The following VSNL1 variants were observed in gnomAD, a reference collection of about 807,000 sequenced individuals.
VSNL1 encodes visinin-like protein 1.
VSNL1 carries 6 observed loss-of-function variants against 20.4 expected under a neutral mutation model. That is an observed-to-expected ratio of 0.29 (90% confidence interval 0.16 to 0.58). The LOEUF (loss-of-function observed/expected upper bound fraction) is 0.58, where lower values mean the gene tolerates loss of function less well. Ranked by LOEUF, VSNL1 falls within the 20% of genes least tolerant of loss-of-function variation. The probability of loss-of-function intolerance (pLI) is 0.90; values close to 1 mark genes in which losing one functional copy is unlikely to be tolerated. For synonymous variants in VSNL1, 93 were observed against 86.4 expected, an observed-to-expected ratio of 1.08 and a Z score of -0.42; for missense variants, 100 against 234.5, an observed-to-expected ratio of 0.43 and a Z score of 3.75.
At chr2:17,581,645 CAAAG>C (rs1664351691) in intron 1 of VSNL1, among the ~76,000 whole-genome samples, 1 of 152,202 alleles carries the variant, frequency 6.6e-6, no homozygotes, top group Admixed American at 6.5e-5. Context: ...CCCAATCTCT[CAAAG>C]AAGCTTTGTT....
At chr2:17,555,115 A>C (rs1176973762) in intron 1 of VSNL1, among the ~76,000 whole-genome samples, 1 of 152,190 alleles carries the variant, frequency 6.6e-6, no homozygotes, top group Non-Finnish European at 1.5e-5. Flanking sequence ...TCTCTGGCAG[A>C]GTGTGAAATT....
At chr2:17,605,251 T>A (rs1428110729) in intron 2 of VSNL1, among the ~76,000 whole-genome samples, 1 of 152,250 alleles carries the variant, frequency 6.6e-6, no homozygotes, top group East Asian at 1.9e-4. Flanking sequence ...AAGATCCTTC[T>A]CTGCACAGCA....
At chr2:17,604,218 G>A (rs1229385830) in intron 2 of VSNL1, among the ~76,000 whole-genome samples, 1 of 152,256 alleles carries the variant, frequency 6.6e-6, no homozygotes, top group African/African-American at 2.4e-5. Flanking sequence ...GACAAACAGG[G>A]AGGGTAAAAA....
intron 2 of VSNL1, among the ~76,000 whole-genome samples, chr2:17,636,097 T>C (rs966669478): frequency 1.3e-5 from 2 of 152,060 alleles, no homozygotes; most frequent in Admixed American, 1.3e-4. Context: ...AATTATGATA[T>C]GAAGCCAGTA....
At chr2:17,592,947 G>C (rs1421750880) in intron 2 of VSNL1, among the ~76,000 whole-genome samples, 2 of 152,004 alleles carry the variant, frequency 1.3e-5, no homozygotes, top group Admixed American at 1.3e-4. Context: ...GCTGATCTAA[G>C]ACATTCCACT....
chr2:17,552,187 G>A (rs1246920503), intron 1 of VSNL1, among the ~76,000 whole-genome samples: 1 of 129,718 alleles, frequency 7.7e-6, no homozygotes, highest in African/African-American at 2.7e-5. Flanking sequence ...GCGACAGAGC[G>A]AGATTCCATC....
In VSNL1 at chr2:17,643,364, T is replaced by C. The variant is rs556229441; in HGVS notation, c.163-6046T>C. Among the ~76,000 whole-genome samples the C allele has an allele frequency of 9.8e-5, 15 of 152,344 alleles. No individual in the cohort carries two copies. The East Asian group carries it at 2.7e-3, about 27-fold the overall frequency. On this transcript the variant is annotated intron_variant, in intron 2 of 3. Coordinates refer to ENST00000295156, the MANE Select transcript of VSNL1 (RefSeq NM_003385.5). ...CTGATTCATCTCCTCATGAGTCATC[T>C]GCTTAAGTAGTAATGCGAATGGGCT...
chr2:17,592,519 G>A (rs1364615919), intron 2 of VSNL1, among the ~76,000 whole-genome samples: 1 of 151,928 alleles, frequency 6.6e-6, no homozygotes, highest in Non-Finnish European at 1.5e-5. Flanking sequence ...GCTCAGAGAA[G>A]AGTGTTTGCT....
intron 2 of VSNL1, among the ~76,000 whole-genome samples, chr2:17,637,061 C>T (rs1665766922): frequency 6.6e-6 from 1 of 152,218 alleles, no homozygotes; most frequent in Non-Finnish European, 1.5e-5. Flanking sequence ...TCCTTGCTGC[C>T]TCCACCCTCT....
chr2:17,549,943 G>A (rs748838629), intron 1 of VSNL1, among the ~76,000 whole-genome samples: 6 of 152,210 alleles, frequency 3.9e-5, no homozygotes, highest in Non-Finnish European at 7.3e-5. Context: ...GTCATTAAAT[G>A]TGTGTTTTAG....
intron 2 of VSNL1, among the ~76,000 whole-genome samples, chr2:17,603,320 A>G (rs1352251391): frequency 6.6e-6 from 1 of 152,164 alleles, no homozygotes; most frequent in Non-Finnish European, 1.5e-5. Context: ...TGGTTCATAA[A>G]TGACTCTTTC....
chr2:17,575,872 A>G (rs1053419739), intron 1 of VSNL1, among the ~76,000 whole-genome samples: 1 of 152,228 alleles, frequency 6.6e-6, no homozygotes, highest in Non-Finnish European at 1.5e-5. Flanking sequence ...TCATATGTTA[A>G]TATATAAGTT....
intron 2 of VSNL1, among the ~76,000 whole-genome samples, chr2:17,608,964 G>A (rs763302438): frequency 8.5e-5 from 13 of 152,110 alleles, no homozygotes; most frequent in African/African-American, 2.4e-4. Flanking sequence ...GTGTGTGTGC[G>A]TGTGTGTCTG....
At chr2:17,599,582 C>T (rs1664782680) in intron 2 of VSNL1, among the ~76,000 whole-genome samples, 1 of 152,172 alleles carries the variant, frequency 6.6e-6, no homozygotes, top group Admixed American at 6.5e-5. Flanking sequence ...TAGGTCTCTC[C>T]CTTGTTTCTC....
At chr2:17,596,882 C>T (rs190330990) in intron 2 of VSNL1, among the ~76,000 whole-genome samples, 5 of 152,274 alleles carry the variant, frequency 3.3e-5, no homozygotes, top group Admixed American at 2.6e-4. Context: ...CCTCACATAG[C>T]GGAGTCTTAA....
chr2:17,655,544 T>A lies in VSNL1; in HGVS notation c.*150T>A. On this transcript the variant is annotated 3_prime_UTR_variant, in exon 4 of 4. Transcript: ENST00000295156. This position sits in a 1 kb window ranked among gnomAD's most constrained non-coding sequence, Gnocchi z 5.2. ...CTATAAATGGACTTGCTTCTTGTGT[T>A]TGAAACACTCGTGTGCATGAGAATG... The A allele has an allele frequency of 2.8e-6, 2 of 720,468 alleles. No individual in the cohort carries two copies. The highest frequency in any genetic ancestry group is 4.4e-6 in the Non-Finnish European group (2 of 449,716). The allele number at this position is 720,468 out of a possible 1,614,324, so 44.6% of individuals were successfully genotyped here. A position where few individuals can be genotyped will look rare whatever the true frequency, so the allele number is the denominator to read the frequency against.
chr2:17,646,505 T>A (rs1029762038), intron 2 of VSNL1, among the ~76,000 whole-genome samples: 10 of 152,210 alleles, frequency 6.6e-5, no homozygotes, highest in Admixed American at 3.9e-4. Context: ...AGGCTTCCAC[T>A]TCCTCATCCA....
At chr2:17,545,735 A>G (rs1286209493) in intron 1 of VSNL1, among the ~76,000 whole-genome samples, 1 of 152,170 alleles carries the variant, frequency 6.6e-6, no homozygotes, top group Admixed American at 6.5e-5. Context: ...CTATTTAATG[A>G]ATGAAACAGA....
intron 2 of VSNL1, among the ~76,000 whole-genome samples, chr2:17,594,199 C>G (rs1019875084): frequency 3.9e-5 from 6 of 152,276 alleles, no homozygotes; most frequent in African/African-American, 1.4e-4. Context: ...ATATATGCAC[C>G]AAAATCATCT....
Sources: allele counts gnomAD v4.1 joint callset (sites outside exome capture counted in the v4.1 genomes callset), GRCh38; gene constraint gnomAD v4.1.1; non-coding constraint Gnocchi (gnomAD v3.1); transcripts MANE v1.5; gene names NCBI Gene and HGNC (gene_info 2026-07-23, HGNC 2026-07-21).